The following DPP10 variants were observed in gnomAD, a reference collection of about 807,000 sequenced individuals.
DPP10 encodes the protein inactive dipeptidyl peptidase 10.
In DPP10, 33 loss-of-function variants were observed where a neutral mutation model predicts 120.9. The observed-to-expected ratio is 0.27, with a 90% CI of 0.21 to 0.37. The LOEUF is 0.37. Ranked by LOEUF, DPP10 falls within the 10% of genes least tolerant of loss-of-function variation. The pLI is 1.00. For synonymous variants in DPP10, 337 were observed against 326.1 expected, an observed-to-expected ratio of 1.03 and a Z score of -0.36; for missense variants, 816 against 942.8, an observed-to-expected ratio of 0.87 and a Z score of 1.76.
intron 1 of DPP10, among the ~76,000 whole-genome samples, chr2:114,824,752 T>C (rs913048062): frequency 1.3e-5 from 2 of 152,232 alleles, no homozygotes; most frequent in Non-Finnish European, 1.5e-5. Context: ...AATTATTGTG[T>C]TAGAAACTTT....
At position 115,289,506 on chromosome 2, in the gene DPP10, G is replaced by GAAAAGAA. The variant is rs70941043; in HGVS notation, c.61-19731_61-19730insAAGAAAA. ...AAACCAAAAAAAAAAAAAAAAAAAG[G>GAAAAGAA]AAGAAAAGAAAAGAAAAAAGAGCCT... On this transcript the variant is annotated intron_variant, in intron 1 of 25. Transcript: ENST00000410059. 4.5e-4 allele frequency among the ~76,000 whole-genome samples: 52 copies of GAAAAGAA among 114,370 alleles called. 2 individuals carry two copies. The South Asian group carries it at 9.8e-3, about 22-fold the overall frequency. 75.0% of individuals were successfully genotyped at this position (114,370 alleles called of 152,430 possible).
Position 114,497,109 on chromosome 2 carries a change from G to A in DPP10, c.60+54271G>A, listed in dbSNP as rs189628323. ...TGTACATGTACATGTGTACATGTAC[G>A]TATACATGCACACGTGTATACATGT... On this transcript the variant is annotated intron_variant, in intron 1 of 25. Transcript: ENST00000410059. 5.2e-3 allele frequency among the ~76,000 whole-genome samples: 760 copies of A among 146,454 alleles called. 3 individuals carry two copies. The highest frequency in any genetic ancestry group is 0.018 in the Middle Eastern group (5 of 274).
chr2:115,552,014 AG>A (rs2079906312), intron 5 of DPP10, among the ~76,000 whole-genome samples: 1 of 152,142 alleles, frequency 6.6e-6, no homozygotes, highest in Admixed American at 6.6e-5. Flanking sequence ...CCTTGCTGTA[AG>A]TTGGCTACCA....
chr2:115,210,155 T>C lies in DPP10; in HGVS notation c.61-99084T>C, dbSNP rs185121803. The stretch of plus-strand genomic sequence containing the variant: ...CATTTACATTAGGTATATCTCCTAA[T>C]GCTATCCCTCCCTCCTCTCCCAACT... On this transcript the variant is annotated intron_variant, in intron 1 of 25. Coordinates refer to ENST00000410059, the MANE Select transcript of DPP10 (RefSeq NM_020868.6). Among the ~76,000 whole-genome samples the C allele has an allele frequency of 2.6e-4, 39 of 152,286 alleles. No homozygotes were observed. In the East Asian group the frequency reaches 6.8e-3, roughly 26 times the overall value.
intron 2 of DPP10, among the ~76,000 whole-genome samples, chr2:115,330,067 G>A (rs2062618952): frequency 6.6e-6 from 1 of 152,026 alleles, no homozygotes; most frequent in Non-Finnish European, 1.5e-5. Flanking sequence ...GTGTAAAAGT[G>A]TTCCTATTTC....
intron 19 of DPP10, among the ~76,000 whole-genome samples, chr2:115,808,088 A>G (rs1686221467): frequency 6.6e-6 from 1 of 152,248 alleles, no homozygotes; most frequent in African/African-American, 2.4e-5. Flanking sequence ...TAACATATGG[A>G]TAATAAAATT....
chr2:115,108,493 T>A (rs764620144), intron 1 of DPP10, among the ~76,000 whole-genome samples: 6 of 152,200 alleles, frequency 3.9e-5, no homozygotes, highest in Non-Finnish European at 8.8e-5. Context: ...TCAGTCTCAG[T>A]TAAATGCAGG....
At chr2:115,444,130 A>G (rs1211365707) in intron 3 of DPP10, among the ~76,000 whole-genome samples, 2 of 152,104 alleles carry the variant, frequency 1.3e-5, no homozygotes, top group Non-Finnish European at 2.9e-5. Context: ...GAATTCCACC[A>G]TGTTTATTCA....
intron 1 of DPP10, among the ~76,000 whole-genome samples, chr2:114,670,784 T>A (rs1240015192): frequency 1.3e-5 from 2 of 151,304 alleles, no homozygotes; most frequent in East Asian, 3.8e-4. Flanking sequence ...AAATTATGTT[T>A]ACTCTATTAC....
intron 1 of DPP10, among the ~76,000 whole-genome samples, chr2:114,488,939 A>G (rs1350641382): frequency 2.0e-5 from 3 of 152,180 alleles, no homozygotes; most frequent in Non-Finnish European, 2.9e-5. Flanking sequence ...ATCATCTAAC[A>G]CTTTAAATCA....
At chr2:115,246,073 A>G (rs2058520108) in intron 1 of DPP10, among the ~76,000 whole-genome samples, 1 of 152,168 alleles carries the variant, frequency 6.6e-6, no homozygotes, top group South Asian at 2.1e-4. Flanking sequence ...AACCTGAAGA[A>G]GACTACTTTT....
intron 1 of DPP10, among the ~76,000 whole-genome samples, chr2:114,620,123 A>C (rs1693983955): frequency 6.6e-6 from 1 of 151,996 alleles, no homozygotes; most frequent in Non-Finnish European, 1.5e-5. Flanking sequence ...ATAAAATTTC[A>C]ATGGCAGAAA....
intron 3 of DPP10, among the ~76,000 whole-genome samples, chr2:115,389,885 C>T (rs2067209213): frequency 6.6e-6 from 1 of 152,132 alleles, no homozygotes; most frequent in Non-Finnish European, 1.5e-5. Context: ...CATTATTTAG[C>T]ATTCCCATTT....
At chr2:115,421,098 T>A (rs574315222) in intron 3 of DPP10, among the ~76,000 whole-genome samples, 1 of 151,906 alleles carries the variant, frequency 6.6e-6, no homozygotes, top group African/African-American at 2.4e-5. Flanking sequence ...TTTTTTTTTT[T>A]ACTTCTCTTT....
chr2:115,368,250 GA>G (rs1465651091), intron 3 of DPP10, among the ~76,000 whole-genome samples: 1 of 152,080 alleles, frequency 6.6e-6, no homozygotes, highest in Non-Finnish European at 1.5e-5. Flanking sequence ...TAAGCCTGGG[GA>G]CAGGAAGTCT....
At chr2:114,584,659 C>CT (rs1573720724) in intron 1 of DPP10, among the ~76,000 whole-genome samples, 1 of 150,332 alleles carries the variant, frequency 6.7e-6, no homozygotes, top group Non-Finnish European at 1.5e-5. Flanking sequence ...GGTTATTTGC[C>CT]TTTTTTTAAA....
At chr2:114,774,803 A>G (rs1681583470) in intron 1 of DPP10, among the ~76,000 whole-genome samples, 1 of 151,944 alleles carries the variant, frequency 6.6e-6, no homozygotes, top group Admixed American at 6.6e-5. Context: ...GGAACCTTAT[A>G]GAGGTAAGTG....
chr2:115,573,199 G>A (rs945865117), intron 5 of DPP10, among the ~76,000 whole-genome samples: 2 of 151,978 alleles, frequency 1.3e-5, no homozygotes, highest in Non-Finnish European at 2.9e-5. Flanking sequence ...GATGTAAAGG[G>A]GAGAACTATA....
intron 7 of DPP10, among the ~76,000 whole-genome samples, chr2:115,700,468 C>G (rs1002280369): frequency 6.6e-6 from 1 of 151,770 alleles, no homozygotes; most frequent in Non-Finnish European, 1.5e-5. Context: ...GCAAAATGAA[C>G]GGTGATCATT....
Sources: gnomAD v4.1 joint callset for allele counts (sites outside exome capture counted in the v4.1 genomes callset) on GRCh38, gnomAD v4.1.1 for gene constraint, MANE v1.5 for transcripts, NCBI Gene and HGNC (gene_info 2026-07-23, HGNC 2026-07-21) for gene names.